BMP6: variants seen among roughly 807,000 people sequenced by gnomAD.
BMP6 encodes VG-1-R.
Under a neutral mutation model 54.1 loss-of-function variants are expected in BMP6, and 17 were observed. The observed-to-expected ratio is 0.31, with a 90% CI of 0.22 to 0.47. The LOEUF (loss-of-function observed/expected upper bound fraction) is 0.47, where lower values mean the gene tolerates loss of function less well. Ranked by LOEUF, BMP6 falls within the 20% of genes least tolerant of loss-of-function variation. The pLI is 1.00. For synonymous variants in BMP6, 328 were observed against 291.2 expected, an observed-to-expected ratio of 1.13 and a Z score of -1.28; for missense variants, 720 against 690.4, an observed-to-expected ratio of 1.04 and a Z score of -0.48.
chr6:7,773,521 C>G (rs1757820027), intron 1 of BMP6, among the ~76,000 whole-genome samples: 1 of 152,186 alleles, frequency 6.6e-6, no homozygotes. Context: ...CTATGTCATG[C>G]ATAAACATAG....
At chr6:7,812,753 CTA>C (rs1758453482) in intron 1 of BMP6, among the ~76,000 whole-genome samples, 1 of 151,838 alleles carries the variant, frequency 6.6e-6, no homozygotes, top group South Asian at 2.1e-4. Flanking sequence ...TGAGAAAGAA[CTA>C]TAAGTGCCTG....
chr6:7,826,557 C>T (rs1054083423), intron 1 of BMP6, among the ~76,000 whole-genome samples: 2 of 152,192 alleles, frequency 1.3e-5, no homozygotes, highest in Non-Finnish European at 2.9e-5. Context: ...AAACTCAGAC[C>T]ATCAGTTGCG....
At chr6:7,807,183 C>T (rs1758358824) in intron 1 of BMP6, among the ~76,000 whole-genome samples, 1 of 152,218 alleles carries the variant, frequency 6.6e-6, no homozygotes, top group Admixed American at 6.5e-5. Context: ...CTTAGACCTC[C>T]TGTTCTATCT....
chr6:7,781,271 A>G (rs970803333), intron 1 of BMP6, among the ~76,000 whole-genome samples: 17 of 152,350 alleles, frequency 1.1e-4, no homozygotes, highest in Middle Eastern at 3.4e-3. Flanking sequence ...CAAGGCACAG[A>G]AAGATTGAGT....
At chr6:7,831,543 C>G (rs898352558) in intron 1 of BMP6, among the ~76,000 whole-genome samples, 14 of 152,190 alleles carry the variant, frequency 9.2e-5, no homozygotes, top group African/African-American at 3.4e-4. Context: ...ATTTAGAAAT[C>G]TGGCCTGACT....
chr6:7,806,051 A>G (rs1198366222), intron 1 of BMP6, among the ~76,000 whole-genome samples: 2 of 152,212 alleles, frequency 1.3e-5, no homozygotes, highest in Non-Finnish European at 2.9e-5. Flanking sequence ...GGGGTCAGCA[A>G]TGTGGTTGGA....
At position 7,852,622 on chromosome 6, in the gene BMP6, A is replaced by G. The variant is rs183014988; in HGVS notation, c.857+7290A>G. Among the ~76,000 whole-genome samples, 100 of 152,308 alleles carry G rather than the reference A, an allele frequency of 6.6e-4. 1 individual carries two copies. The highest frequency in any genetic ancestry group is 2.3e-3 in the African/African-American group (96 of 41,588). ...AAAAATCTTAGAAAAATAAAAAACC[A>G]TAAAAGTCTGGAATGTTTACAAGAG... On this transcript the variant is annotated intron_variant, in intron 2 of 6. Transcript: ENST00000283147.
At chr6:7,734,627 C>T (rs1255717521) in intron 1 of BMP6, among the ~76,000 whole-genome samples, 1 of 152,212 alleles carries the variant, frequency 6.6e-6, no homozygotes, top group Non-Finnish European at 1.5e-5. Flanking sequence ...GTCCAAAGGA[C>T]TGTTGACTCC....
At chr6:7,865,710 G>C (rs143354024) in intron 4 of BMP6, among the ~76,000 whole-genome samples, 2 of 152,134 alleles carry the variant, frequency 1.3e-5, no homozygotes, top group African/African-American at 2.4e-5. Flanking sequence ...GTACTCTGGC[G>C]TGACTGCAGG....
chr6:7,879,244 T>C (rs1561800571), intron 5 of BMP6, 94 bp downstream of exon 5: 18 of 1,315,082 alleles, frequency 1.4e-5, no homozygotes, highest in East Asian at 6.9e-5. Flanking sequence ...CAGAGCTTGA[T>C]TGAAGGCTGA....
intron 2 of BMP6, among the ~76,000 whole-genome samples, chr6:7,858,723 C>T (rs959753304): frequency 7.3e-5 from 11 of 151,412 alleles, no homozygotes; most frequent in South Asian, 6.3e-4. Flanking sequence ...AGTCAATATT[C>T]GCTGTTCCTC....
chr6:7,748,776 T>C (rs1168983105), intron 1 of BMP6, among the ~76,000 whole-genome samples: 1 of 152,192 alleles, frequency 6.6e-6, no homozygotes, highest in African/African-American at 2.4e-5. Context: ...TCCAATTCCT[T>C]AGTCGTGCAA....
At chr6:7,785,921 C>A (rs1758013092) in intron 1 of BMP6, among the ~76,000 whole-genome samples, 1 of 152,142 alleles carries the variant, frequency 6.6e-6, no homozygotes, top group Non-Finnish European at 1.5e-5. Context: ...TACTTAGACC[C>A]TTGAACCTTT....
chr6:7,822,187 A>G (rs941755507), intron 1 of BMP6, among the ~76,000 whole-genome samples: 1 of 152,022 alleles, frequency 6.6e-6, no homozygotes, highest in African/African-American at 2.4e-5. Context: ...TGCCCAGCTA[A>G]TTTTGTATTT....
At chr6:7,784,939 T>C (rs900802756) in intron 1 of BMP6, among the ~76,000 whole-genome samples, 6 of 152,218 alleles carry the variant, frequency 3.9e-5, no homozygotes, top group Non-Finnish European at 8.8e-5. Flanking sequence ...AGGTGTACTT[T>C]TCACTCCAGG....
chr6:7,815,421 T>G (rs9392926), intron 1 of BMP6, among the ~76,000 whole-genome samples: 8,107 of 152,238 alleles, frequency 0.053, 329 homozygotes, highest in East Asian at 0.2. Context: ...ATCAGTAAAT[T>G]AGGATAATAA....
intron 1 of BMP6, among the ~76,000 whole-genome samples, chr6:7,834,197 T>A (rs1758836435): frequency 6.6e-6 from 1 of 151,490 alleles, no homozygotes; most frequent in Admixed American, 6.6e-5. Context: ...TTTTTTTTTT[T>A]TTTTTTTTAG....
At chr6:7,823,412 A>G (rs751381452) in intron 1 of BMP6, among the ~76,000 whole-genome samples, 1 of 152,252 alleles carries the variant, frequency 6.6e-6, no homozygotes, top group South Asian at 2.1e-4. Context: ...ATTATTGACT[A>G]TCAGCTATGT....
intron 4 of BMP6, among the ~76,000 whole-genome samples, chr6:7,872,834 A>C (rs1759551610): frequency 7.7e-6 from 1 of 130,442 alleles, no homozygotes; most frequent in Non-Finnish European, 1.6e-5. Flanking sequence ...TTTTTTTGAG[A>C]CAGGGTCTTG....
Sources: gnomAD v4.1 joint callset for allele counts (sites outside exome capture counted in the v4.1 genomes callset) on GRCh38, gnomAD v4.1.1 for gene constraint, MANE v1.5 for transcripts, NCBI Gene and HGNC (gene_info 2026-07-23, HGNC 2026-07-21) for gene names.